Variants in MYO16 observed in about 807,000 individuals in gnomAD.
The protein encoded by MYO16 is unconventional myosin-XVI.
A neutral mutation model predicts 205.3 loss-of-function variants in MYO16; 94 were observed. The observed-to-expected ratio is 0.46, with a 90% CI of 0.39 to 0.54. The LOEUF is 0.54. Among genes scored for constraint, MYO16 ranks in the 20% least tolerant of loss-of-function variants. MYO16 has a pLI of 0.00. For missense variants in MYO16, 2,315 were observed against 2,387.5 expected (o/e 0.97, Z 0.63); for synonymous variants, 988 against 954.0 (o/e 1.04, Z -0.66).
In MYO16 at chr13:108,710,146, T is replaced by C. The variant is rs893550396; in HGVS notation, c.293-2515T>C. On this transcript the variant is annotated intron_variant, in intron 2 of 34. Transcript: ENST00000457511. Reference sequence around the variant, plus strand: ...ACTGTAGTGATCTGGAGCTCTCCCTTGCCAGCTTCTGAAAGCTGACTGGTA... The same window carrying C: ...ACTGTAGTGATCTGGAGCTCTCCCTCGCCAGCTTCTGAAAGCTGACTGGTA... Among the ~76,000 whole-genome samples the C allele has an allele frequency of 2.0e-5, 3 of 152,172 alleles. No homozygotes were observed. The South Asian group carries it at 6.2e-4, about 32-fold the overall frequency.
At chr13:108,961,690 AT>A (rs770642371) in intron 18 of MYO16, 34 bp downstream of exon 18, 1 of 1,509,882 alleles carries the variant, frequency 6.6e-7, no homozygotes, top group South Asian at 1.1e-5. Context: ...CATTAACCAC[AT>A]TGATGTGCAA....
chr13:108,698,828 T>G (rs1015107419), intron 2 of MYO16, among the ~76,000 whole-genome samples: 2 of 152,192 alleles, frequency 1.3e-5, no homozygotes, highest in Non-Finnish European at 2.9e-5. Context: ...TCCCCAAAAT[T>G]GACTAAGCAA....
At chr13:108,510,425 A>ATTTTTTTTTTTTTTTTTTTTTT in the MYO16 span, among the ~76,000 whole-genome samples, 2 of 97,090 alleles carry the variant, frequency 2.1e-5, no homozygotes, top group African/African-American at 4.3e-5. Context: ...TAGATAGTTA[A>ATTTTTTTTTTTTTTTTTTTTTT]TTTTTTTTTT....
At chr13:108,646,847 A>G in intron 1 of MYO16, among the ~76,000 whole-genome samples, 1 of 152,104 alleles carries the variant, frequency 6.6e-6, no homozygotes. Flanking sequence ...TAATAGGATG[A>G]AACTTCTGCT....
chr13:108,629,858 AT>A lies in MYO16; in HGVS notation c.18del (p.Phe6LeufsTer25). The A allele has an allele frequency of 6.5e-7, 1 of 1,528,722 alleles. No individual in the cohort carries two copies. The highest frequency in any genetic ancestry group is 8.8e-7 in the Non-Finnish European group (1 of 1,140,738). 94.7% of individuals were successfully genotyped at this position (1,528,722 alleles called of 1,614,324 possible). On this transcript the variant is annotated frameshift_variant, in exon 1 of 35. Transcript: ENST00000457511. LOFTEE classifies it high-confidence loss of function. Reference sequence around the variant, plus strand: ...TGAGATGGAAAGATGTCTCACTATCATTTTATCAAGTGCTGTAAGTAAGCTT... The same window carrying A: ...TGAGATGGAAAGATGTCTCACTATCATTTATCAAGTGCTGTAAGTAAGCTT... Reference protein sequence around the residue: MSHYHFIKCCCFQLC... With the variant: MSHYXFIKCCCFQLC...
At position 109,127,061 on chromosome 13, in the gene MYO16, C is replaced by T. The variant is rs139550346; in HGVS notation, c.3783-221C>T. Among the ~76,000 whole-genome samples, 6 of 152,270 alleles carry T rather than the reference C, an allele frequency of 3.9e-5. No individual in the cohort carries two copies. The South Asian group carries it at 6.2e-4, about 16-fold the overall frequency. On this transcript the variant is annotated intron_variant, in intron 30 of 34. Coordinates refer to ENST00000457511, the MANE Select transcript of MYO16 (RefSeq NM_001198950.3). The surrounding 1 kb of genome is among the most constrained non-coding windows in gnomAD (Gnocchi z 4.2). ...AAAAGTAATCATGATGGATATCCCG[C>T]GGGCTCATGTGCTTTTCATCACAAA... is the stretch of plus-strand genomic sequence containing the variant.
At chr13:109,001,402 C>T (rs958210192) in intron 21 of MYO16, among the ~76,000 whole-genome samples, 2 of 152,034 alleles carry the variant, frequency 1.3e-5, no homozygotes, top group Admixed American at 6.6e-5. Context: ...CACCCAAGTC[C>T]TCTATTTTTA....
In MYO16 at chr13:108,942,509, A is replaced by G. The variant is rs563859899; in HGVS notation, c.1926-15179A>G. The stretch of plus-strand genomic sequence containing the variant: ...GCAGCAGCTTTCAGTGTTTAAAAAA[A>G]ACTCATATTTTAAATATTAGTTTGC... On this transcript the variant is annotated intron_variant, in intron 16 of 34. Transcript: ENST00000457511. Among the ~76,000 whole-genome samples, 3 of 152,350 alleles carry G rather than the reference A, an allele frequency of 2.0e-5. No homozygotes were observed. In the East Asian group the frequency reaches 5.8e-4, roughly 29 times the overall value.
chr13:108,913,576 C>T (rs925818539), intron 16 of MYO16, among the ~76,000 whole-genome samples: 3 of 152,158 alleles, frequency 2.0e-5, no homozygotes, highest in African/African-American at 4.8e-5. Flanking sequence ...CCTGAATTTG[C>T]GAGCTTTCTA....
intron 1 of MYO16, among the ~76,000 whole-genome samples, chr13:108,624,292 C>T (rs555391642): frequency 2.0e-5 from 3 of 152,304 alleles, no homozygotes; most frequent in East Asian, 3.9e-4. Flanking sequence ...CAACAGTAAT[C>T]GCTAAACTTG....
intron 27 of MYO16, among the ~76,000 whole-genome samples, chr13:109,079,495 T>C (rs1300470737): frequency 6.6e-6 from 1 of 152,280 alleles, no homozygotes; most frequent in East Asian, 1.9e-4. Flanking sequence ...GTCATTATCC[T>C]AAGCGAATTC....
chr13:108,769,034 T>C (rs1272995698), intron 4 of MYO16, among the ~76,000 whole-genome samples: 1 of 152,238 alleles, frequency 6.6e-6, no homozygotes, highest in Admixed American at 6.5e-5. Context: ...ATGTATTTAT[T>C]CACTTACAGT....
intron 27 of MYO16, among the ~76,000 whole-genome samples, chr13:109,083,446 G>A (rs4773021): frequency 0.58 from 79,764 of 137,078 alleles, 22,334 homozygotes; most frequent in Middle Eastern, 0.66. Context: ...CGATCAAAAA[G>A]CAAGGGTTAT....
At chr13:108,754,961 G>T (rs35335865) in intron 4 of MYO16, among the ~76,000 whole-genome samples, 23,858 of 151,228 alleles carry the variant, frequency 0.16, 2,112 homozygotes, top group Non-Finnish European at 0.21. Flanking sequence ...TGAATATATA[G>T]AGAGAGAGAC....
chr13:108,752,948 T>C (rs987357652), intron 4 of MYO16, among the ~76,000 whole-genome samples: 1 of 151,540 alleles, frequency 6.6e-6, no homozygotes, highest in East Asian at 1.9e-4. Flanking sequence ...AATGATTATG[T>C]AAAACACTAT....
chr13:108,677,336 T>TGTGTATATATATATATGC (rs1491309887), intron 2 of MYO16, among the ~76,000 whole-genome samples: 5 of 86,650 alleles, frequency 5.8e-5, no homozygotes, highest in African/African-American at 2.2e-4. Context: ...TGTGTGTGTG[T>TGTGTATATATATATATGC]ATATATATAT....
chr13:108,629,572 C>T (rs542336141), upstream of MYO16: 4 of 385,354 alleles, frequency 1.0e-5, no homozygotes, highest in South Asian at 2.6e-4. Context: ...TTGTGGTACT[C>T]GGGGCTGTGT....
chr13:108,880,420 G>T (rs542877080), intron 12 of MYO16, among the ~76,000 whole-genome samples: 1 of 152,292 alleles, frequency 6.6e-6, no homozygotes, highest in African/African-American at 2.4e-5. Flanking sequence ...TGGTGTTTTA[G>T]TCATGAAGTC....
At chr13:108,592,537 G>C (rs1406035416), upstream of MYO16, among the ~76,000 whole-genome samples, 2 of 141,148 alleles carry the variant, frequency 1.4e-5, no homozygotes, top group African/African-American at 5.3e-5. Flanking sequence ...GGTGGGTGGG[G>C]GAAATGTGGG....
Sources: gnomAD v4.1 joint callset for allele counts (sites outside exome capture counted in the v4.1 genomes callset) on GRCh38, gnomAD v4.1.1 for gene constraint, Gnocchi (gnomAD v3.1) non-coding constraint, MANE v1.5 for transcripts, NCBI Gene and HGNC (gene_info 2026-07-23, HGNC 2026-07-21) for gene names.